The following MTUS2 variants were observed in gnomAD, a reference collection of about 807,000 sequenced individuals.
The protein encoded by MTUS2 is microtubule associated scaffold protein 2.
MTUS2 carries 40 observed loss-of-function variants against 114.1 expected under a neutral mutation model. The ratio of observed to expected loss-of-function variants is 0.35; its 90% CI spans 0.27 to 0.46. The LOEUF (loss-of-function observed/expected upper bound fraction) is 0.46. Ranked by LOEUF, MTUS2 falls within the 20% of genes least tolerant of loss-of-function variation. The pLI is 1.00. For synonymous variants in MTUS2, 688 were observed against 672.0 expected (o/e 1.02, Z -0.37); for missense variants, 1,679 against 1,705.4 (o/e 0.98, Z 0.27).
intron 5 of MTUS2, among the ~76,000 whole-genome samples, chr13:29,138,646 G>A (rs941467337): frequency 7.9e-5 from 12 of 151,526 alleles, no homozygotes; most frequent in African/African-American, 2.4e-4. Flanking sequence ...CTAAACTATA[G>A]CGATGGTTGT....
At chr13:29,129,180 C>A (rs955284576) in intron 5 of MTUS2, among the ~76,000 whole-genome samples, 4 of 137,212 alleles carry the variant, frequency 2.9e-5, no homozygotes, top group Non-Finnish European at 6.2e-5. Flanking sequence ...ACTGTTTTCC[C>A]CTGGCAGTCT....
At chr13:29,354,223 T>C (rs1314394729) in intron 7 of MTUS2, among the ~76,000 whole-genome samples, 2 of 151,458 alleles carry the variant, frequency 1.3e-5, no homozygotes, top group Admixed American at 1.3e-4. Context: ...AAAACCATTG[T>C]CTTGTATATT....
intron 2 of MTUS2, among the ~76,000 whole-genome samples, chr13:28,912,234 G>A (rs1337136692): frequency 6.6e-6 from 1 of 152,130 alleles, no homozygotes; most frequent in Non-Finnish European, 1.5e-5. Flanking sequence ...CATATGGCTA[G>A]CCAGTTCTCC....
intron 5 of MTUS2, among the ~76,000 whole-genome samples, chr13:29,116,060 G>A (rs1230975440): frequency 6.6e-6 from 1 of 152,124 alleles, no homozygotes; most frequent in African/African-American, 2.4e-5. Context: ...TTAACCTGGA[G>A]CATACCGAGA....
chr13:29,278,061 C>A (rs1898131177), intron 5 of MTUS2, among the ~76,000 whole-genome samples: 1 of 152,272 alleles, frequency 6.6e-6, no homozygotes, highest in Admixed American at 6.5e-5. Flanking sequence ...GCAGATAATG[C>A]AAGGAACTTA....
In MTUS2 at chr13:29,471,990, T is replaced by C. The variant is rs74044822; in HGVS notation, c.3185-8160T>C. On this transcript the variant is annotated intron_variant, in intron 9 of 15. Transcript: ENST00000612955. ...CCTGCAGAGATGACAAGAGTCCCAG[T>C]GACTCCTGTTCTTTCACTCTTGGTC... 3.0e-3 allele frequency among the ~76,000 whole-genome samples: 452 copies of C among 152,246 alleles called. 4 individuals are homozygous for C. Among genetic ancestry groups the C allele is most frequent in the African/African-American group, 0.011 (442 of 41,536 alleles).
At chr13:29,265,986 A>G (rs1897652991) in intron 5 of MTUS2, among the ~76,000 whole-genome samples, 1 of 152,166 alleles carries the variant, frequency 6.6e-6, no homozygotes, top group African/African-American at 2.4e-5. Context: ...AAGCACCGCC[A>G]TTCTCTAGGG....
At chr13:29,029,047 A>T (rs545042546) in intron 3 of MTUS2, among the ~76,000 whole-genome samples, 5 of 152,334 alleles carry the variant, frequency 3.3e-5, no homozygotes, top group African/African-American at 1.2e-4. Flanking sequence ...GCAGACATTG[A>T]CTTAGGCAAT....
At chr13:29,314,377 C>A (rs1566124919) in intron 6 of MTUS2, among the ~76,000 whole-genome samples, 1 of 152,058 alleles carries the variant, frequency 6.6e-6, no homozygotes, top group Non-Finnish European at 1.5e-5. Context: ...CTATTAAACC[C>A]AGGGAAAACA....
intron 5 of MTUS2, among the ~76,000 whole-genome samples, chr13:29,248,519 AG>A (rs1345946371): frequency 6.6e-6 from 1 of 152,162 alleles, no homozygotes; most frequent in Non-Finnish European, 1.5e-5. Flanking sequence ...GTGAATGTAC[AG>A]GTTTGTAATC....
chr13:28,953,803 T>G (rs543925788), intron 2 of MTUS2, among the ~76,000 whole-genome samples: 1 of 152,340 alleles, frequency 6.6e-6, no homozygotes, highest in South Asian at 2.1e-4. Context: ...AAAATTACTT[T>G]GTGTAATTTT....
chr13:28,830,508 T>C (rs916373896), intron 1 of MTUS2, among the ~76,000 whole-genome samples: 2 of 594 alleles, frequency 3.4e-3, no homozygotes, highest in Non-Finnish European at 7.1e-3. Context: ...ATGATTGAAA[T>C]GAAAAAATTT....
chr13:28,852,759 G>A (rs373972171), intron 2 of MTUS2, among the ~76,000 whole-genome samples: 4 of 152,200 alleles, frequency 2.6e-5, no homozygotes, highest in African/African-American at 7.2e-5. Flanking sequence ...CAGCTACTCC[G>A]GAGGCTGAGG....
chr13:28,859,063 G>A (rs1876809696), intron 2 of MTUS2, among the ~76,000 whole-genome samples: 1 of 152,180 alleles, frequency 6.6e-6, no homozygotes, highest in South Asian at 2.1e-4. Context: ...TGCTTTTTGG[G>A]AAAGGGGCAA....
At chr13:29,018,148 C>T (rs1026592246) in intron 2 of MTUS2, among the ~76,000 whole-genome samples, 4 of 152,140 alleles carry the variant, frequency 2.6e-5, no homozygotes, top group Non-Finnish European at 5.9e-5. Context: ...GAGTCTGCAG[C>T]TCTTGGGTAG....
chr13:29,267,335 A>T (rs370638496), intron 5 of MTUS2, among the ~76,000 whole-genome samples: 21 of 152,286 alleles, frequency 1.4e-4, no homozygotes, highest in African/African-American at 4.6e-4. Flanking sequence ...ACGCCTTCCA[A>T]AGTGGGTTTC....
At chr13:29,306,193 C>G (rs1296148372) in intron 6 of MTUS2, among the ~76,000 whole-genome samples, 1 of 152,146 alleles carries the variant, frequency 6.6e-6, no homozygotes, top group South Asian at 2.1e-4. Context: ...ACTGAATAAG[C>G]AAAAGTTAGA....
At chr13:29,136,125 C>T (rs1213895792) in intron 5 of MTUS2, among the ~76,000 whole-genome samples, 1 of 152,180 alleles carries the variant, frequency 6.6e-6, no homozygotes, top group Non-Finnish European at 1.5e-5. Flanking sequence ...CTTCATATGG[C>T]TTCAAGTTAC....
chr13:28,828,561 A>G (rs1032071649), intron 1 of MTUS2, among the ~76,000 whole-genome samples: 1 of 152,206 alleles, frequency 6.6e-6, no homozygotes, highest in Non-Finnish European at 1.5e-5. Flanking sequence ...TGGGGAACTA[A>G]TAAATGTCCA....
Sources: allele counts gnomAD v4.1 joint callset (sites outside exome capture counted in the v4.1 genomes callset), GRCh38; gene constraint gnomAD v4.1.1; transcripts MANE v1.5; gene names NCBI Gene and HGNC (gene_info 2026-07-23, HGNC 2026-07-21).